ALG13: variants seen among roughly 807,000 people sequenced by gnomAD.
ALG13 encodes the protein UDP-N-acetylglucosamine transferase subunit ALG13.
A neutral mutation model predicts 87.8 loss-of-function variants in ALG13; 11 were observed. That is an observed-to-expected ratio of 0.13 (90% CI 0.08 to 0.21). The LOEUF (loss-of-function observed/expected upper bound fraction) is 0.21. Ranked by LOEUF, ALG13 falls within the 10% of genes least tolerant of loss-of-function variation. ALG13 has a pLI of 1.00. For missense variants in ALG13, 756 were observed against 866.1 expected (o/e 0.87, Z 1.60); for synonymous variants, 320 against 306.3 (o/e 1.04, Z -0.47).
chrX:111,682,695 C>T (rs888202696), intron 2 of ALG13, among the ~76,000 whole-genome samples: 4 of 111,763 alleles, frequency 3.6e-5, no homozygotes, highest in East Asian at 2.8e-4. Flanking sequence ...ATAATTTACC[C>T]GGGGAAGTGT....
intron 22 of ALG13, 97 bp downstream of exon 22, chrX:111,735,219 G>A: frequency 1.8e-6 from 1 of 552,009 alleles, no homozygotes; most frequent in Middle Eastern, 3.3e-4. Flanking sequence ...CAAAGCAACT[G>A]CTTTTGTTCC....
At position 111,736,848 on chromosome X, in the gene ALG13, C is replaced by G. The variant is rs1943292547; in HGVS notation, c.2664C>G (p.Leu888=). 8.3e-7 allele frequency: 1 copy of G among 1,209,091 alleles called. No homozygotes were observed. ...CCTCACAGAATGCTATACAGCCTCT[C>G]TTTGTATCTCCACCTACACACGGCA... The part of the protein sequence containing the change: ...SVSSQNAIQP[L]FVSPPTHGRP... The change falls in exon 23 of 27, where the codon CTC becomes CTG. Residue 888 remains leucine, a synonymous_variant. Coordinates refer to ENST00000394780, the MANE Select transcript of ALG13 (RefSeq NM_001099922.3).
intron 7 of ALG13, 85 bp downstream of exon 7, chrX:111,712,615 A>T: frequency 1.9e-6 from 1 of 515,350 alleles, no homozygotes; most frequent in Non-Finnish European, 3.0e-6. Context: ...GGATTGGGGA[A>T]ATTTGAGATT....
chrX:111,701,967 G>A (rs932742020), intron 3 of ALG13, among the ~76,000 whole-genome samples: 1 of 111,128 alleles, frequency 9.0e-6, no homozygotes, highest in African/African-American at 3.3e-5. Flanking sequence ...CCACATATTT[G>A]TGTGTTTTTC....
At position 111,736,775 on chromosome X, in the gene ALG13, T is replaced by C. The variant is rs1408463417; in HGVS notation, c.2591T>C (p.Leu864Ser). The change falls in exon 23 of 27, where the codon TTA (leucine) becomes TCA (serine). Residue 864 changes from leucine (L) to serine (S), a missense_variant. Physicochemically the swap from Leu to Ser is moderately radical, Grantham distance 145 (BLOSUM62 -2). Around this residue, in one of 9 missense-constraint regions of ALG13, gnomAD observed 362 missense variants for 383.5 expected, o/e 0.94. Coordinates refer to ENST00000394780, the MANE Select transcript of ALG13 (RefSeq NM_001099922.3). The part of the protein sequence containing the change: ...SCANNVPAPV[L>S]SNGAAANQAI... ...GCCAATAATGTTCCAGCTCCAGTCTTATCTAACGGTGCAGCGGCTAATCAA... is the reference window on the plus strand; with the variant it reads ...GCCAATAATGTTCCAGCTCCAGTCTCATCTAACGGTGCAGCGGCTAATCAA... 2.5e-6 allele frequency: 3 copies of C among 1,210,654 alleles called. No individual in the cohort carries two copies. Among genetic ancestry groups the C allele is most frequent in the Non-Finnish European group, 3.4e-6 (3 of 894,774 alleles).
chrX:111,720,453 G>A (rs916094526), intron 11 of ALG13, among the ~76,000 whole-genome samples: 1 of 111,907 alleles, frequency 8.9e-6, no homozygotes, highest in Non-Finnish European at 1.9e-5. Flanking sequence ...CCAATATTTA[G>A]TTTGTAATCA....
intron 3 of ALG13, 36 bp downstream of exon 3, chrX:111,685,139 TA>T (rs1934608338): frequency 1.7e-6 from 2 of 1,185,577 alleles, no homozygotes; most frequent in East Asian, 6.1e-5. Context: ...TCTCTTGCCT[TA>T]ATTCGTCCCT....
chrX:111,685,037 A>G lies in ALG13; in HGVS notation c.317A>G (p.Asn106Ser). Residue 106 changes from asparagine (N) to serine (S), a missense_variant, in exon 3 of 27, where the codon AAC becomes AGC. Coordinates refer to ENST00000394780, the MANE Select transcript of ALG13 (RefSeq NM_001099922.3). The part of the protein sequence containing the change: ...LVVVINEKLM[N>S]NHQLELAKQL... The stretch of plus-strand genomic sequence containing the variant: ...GTGGTTATAAACGAAAAGTTGATGA[A>G]CAATCATCAGCTGGAACTGGCAAAG... 8.3e-7 allele frequency: 1 copy of G among 1,209,196 alleles called. No individual in the cohort carries two copies. Among genetic ancestry groups the G allele is most frequent in the Non-Finnish European group, 1.1e-6 (1 of 893,225 alleles).
chrX:111,754,505 A>G (rs749204867), intron 25 of ALG13, among the ~76,000 whole-genome samples: 60 of 112,153 alleles, frequency 5.3e-4, no homozygotes, highest in Non-Finnish European at 9.4e-4. Context: ...TTTGCAGATG[A>G]CATAACTGTA....
At chrX:111,700,029 T>A (rs1252229694) in intron 3 of ALG13, among the ~76,000 whole-genome samples, 1 of 103,628 alleles carries the variant, frequency 9.6e-6, no homozygotes, top group Non-Finnish European at 2.0e-5. Flanking sequence ...TTGTTCCGTT[T>A]ATTTGTGGGT....
intron 3 of ALG13, among the ~76,000 whole-genome samples, chrX:111,703,671 G>A (rs941055851): frequency 6.3e-5 from 7 of 111,973 alleles, no homozygotes; most frequent in Non-Finnish European, 1.3e-4. Context: ...TTACATTTGA[G>A]ATACGTGTTC....
intron 3 of ALG13, among the ~76,000 whole-genome samples, chrX:111,698,499 C>T (rs138448162): frequency 0.027 from 3,015 of 111,276 alleles, 40 homozygotes; most frequent in Non-Finnish European, 0.041. Context: ...CTTTGATCAA[C>T]AACTCCCATT....
chrX:111,730,785 CTT>C (rs888009106), intron 21 of ALG13, among the ~76,000 whole-genome samples: 6 of 112,046 alleles, frequency 5.4e-5, no homozygotes, highest in African/African-American at 1.6e-4. Context: ...CAGTAATGAT[CTT>C]TTAGAAGGTT....
intron 19 of ALG13, among the ~76,000 whole-genome samples, chrX:111,728,959 A>G (rs999281303): frequency 6.3e-5 from 7 of 111,809 alleles, no homozygotes; most frequent in African/African-American, 2.3e-4. Flanking sequence ...TATAATTTAC[A>G]TATCATACAA....
At chrX:111,753,615 A>G (rs1251614654) in intron 25 of ALG13, among the ~76,000 whole-genome samples, 5 of 111,970 alleles carry the variant, frequency 4.5e-5, no homozygotes, top group Admixed American at 3.8e-4. Flanking sequence ...CCACAGAAAT[A>G]CAAACTGCCA....
intron 3 of ALG13, among the ~76,000 whole-genome samples, chrX:111,704,281 C>A (rs769833210): frequency 3.9e-4 from 44 of 111,684 alleles, no homozygotes; most frequent in African/African-American, 1.4e-3. Context: ...GGTGCAGTTG[C>A]TCTGAAAAAC....
chrX:111,689,624 T>TA, intron 3 of ALG13: 1 of 748,727 alleles, frequency 1.3e-6, no homozygotes, highest in Non-Finnish European at 1.6e-6. Context: ...AAGGAGACTT[T>TA]AAAATCATTT....
At chrX:111,754,239 A>C (rs1037869832) in intron 25 of ALG13, among the ~76,000 whole-genome samples, 2 of 111,175 alleles carry the variant, frequency 1.8e-5, no homozygotes, top group Non-Finnish European at 3.8e-5. Flanking sequence ...CATGCTAAAA[A>C]CTCTCTATAA....
chrX:111,746,633 A>G (rs1035469128), intron 24 of ALG13, among the ~76,000 whole-genome samples: 2 of 112,270 alleles, frequency 1.8e-5, no homozygotes, highest in South Asian at 7.3e-4. Flanking sequence ...TAACAAAAAA[A>G]GCTGCTATGA....
Sources: gnomAD v4.1 joint callset for allele counts (sites outside exome capture counted in the v4.1 genomes callset) on GRCh38, gnomAD v4.1.1 for gene constraint, gnomAD v4.1.1 regional missense constraint, MANE v1.5 for transcripts, NCBI Gene and HGNC (gene_info 2026-07-23, HGNC 2026-07-21) for gene names.